The following ADARB2 variants were observed in gnomAD, a reference collection of about 807,000 sequenced individuals.
ADARB2 encodes the protein inactive double-stranded RNA-specific editase B2.
ADARB2 carries 25 observed loss-of-function variants against 62.2 expected under a neutral mutation model. The observed-to-expected ratio is 0.40, with a 90% confidence interval of 0.29 to 0.56. ADARB2 has a LOEUF of 0.56. ADARB2 is among the 20% of genes least tolerant of loss of function. The pLI is 0.43. For missense variants in ADARB2, 1,071 were observed against 1,077.4 expected (o/e 0.99, Z 0.08); for synonymous variants, 572 against 500.8 (o/e 1.14, Z -1.90).
intron 1 of ADARB2, among the ~76,000 whole-genome samples, chr10:1,493,756 T>C (rs1321014943): frequency 1.2e-5 from 1 of 81,104 alleles, no homozygotes; most frequent in South Asian, 4.9e-4. Flanking sequence ...TTTTTTTTTT[T>C]TTTTTTTTTT....
At chr10:1,200,928 T>A (rs1836976871) in intron 7 of ADARB2, among the ~76,000 whole-genome samples, 1 of 152,226 alleles carries the variant, frequency 6.6e-6, no homozygotes, top group South Asian at 2.1e-4. Context: ...TCTCCACTGT[T>A]AGAGCAATTA....
At chr10:1,402,022 C>T (rs1194436305) in intron 1 of ADARB2, among the ~76,000 whole-genome samples, 11 of 152,292 alleles carry the variant, frequency 7.2e-5, no homozygotes, top group Admixed American at 5.2e-4. Flanking sequence ...TCTCTCATGA[C>T]CTTGGAACTC....
chr10:1,685,760 C>T (rs1041654695), intron 1 of ADARB2, among the ~76,000 whole-genome samples: 15 of 152,188 alleles, frequency 9.9e-5, no homozygotes, highest in Non-Finnish European at 2.1e-4. Flanking sequence ...AGGGTCCTGC[C>T]CAGACCTCTC....
At chr10:1,543,007 G>T (rs1405398844) in intron 1 of ADARB2, among the ~76,000 whole-genome samples, 2 of 152,260 alleles carry the variant, frequency 1.3e-5, no homozygotes, top group Admixed American at 6.5e-5. Flanking sequence ...TCTTGTCCAG[G>T]TGTTTTTCCA....
chr10:1,275,410 C>T (rs1006568507), intron 3 of ADARB2, among the ~76,000 whole-genome samples: 3 of 152,208 alleles, frequency 2.0e-5, no homozygotes, highest in Non-Finnish European at 2.9e-5. Context: ...TCCTGCAGGG[C>T]GGCTCCAGGC....
At chr10:1,567,090 G>T (rs1017295781) in intron 1 of ADARB2, among the ~76,000 whole-genome samples, 2 of 152,032 alleles carry the variant, frequency 1.3e-5, no homozygotes, top group Non-Finnish European at 2.9e-5. Context: ...AGCGAAGGAC[G>T]AACAGTAGGA....
intron 1 of ADARB2, among the ~76,000 whole-genome samples, chr10:1,390,560 T>C (rs751383333): frequency 6.6e-5 from 10 of 152,120 alleles, no homozygotes; most frequent in Non-Finnish European, 1.0e-4. Flanking sequence ...AGAAGAAAAT[T>C]GAGGATGATA....
At chr10:1,697,421 G>T (rs1197597279) in intron 1 of ADARB2, among the ~76,000 whole-genome samples, 1 of 152,198 alleles carries the variant, frequency 6.6e-6, no homozygotes, top group East Asian at 1.9e-4. Flanking sequence ...CAGACACAGA[G>T]AACACGTGGC....
At chr10:1,253,660 C>A (rs1831055029) in intron 4 of ADARB2, among the ~76,000 whole-genome samples, 1 of 152,196 alleles carries the variant, frequency 6.6e-6, no homozygotes, top group Non-Finnish European at 1.5e-5. Context: ...AGAGCAGAAA[C>A]TGTCTGTGGT....
rs1831733485 is a variant in ADARB2 at position 1,315,731 on chromosome 10, T to C, written c.1078-44662A>G. 2.0e-5 allele frequency among the ~76,000 whole-genome samples: 3 copies of C among 152,338 alleles called. No homozygotes were observed. The South Asian group carries it at 6.2e-4, about 32-fold the overall frequency. On this transcript the variant is annotated intron_variant, in intron 3 of 9. Transcript: ENST00000381312. ...TCTCAAATATTTACCACGTTAAATA[T>C]CAGCCTCCAGAATATTGCCTTCATT...
intron 9 of ADARB2, among the ~76,000 whole-genome samples, chr10:1,183,589 C>T (rs1426839713): frequency 4.6e-5 from 7 of 152,302 alleles, no homozygotes; most frequent in South Asian, 2.1e-4. Context: ...GATGAATGAG[C>T]GGATAAACTT....
intron 7 of ADARB2, among the ~76,000 whole-genome samples, chr10:1,202,333 C>T (rs1003468827): frequency 5.9e-5 from 9 of 151,646 alleles, no homozygotes; most frequent in East Asian, 1.9e-4. Context: ...CATAGCTCAC[C>T]GCAGCCTAAT....
intron 1 of ADARB2, among the ~76,000 whole-genome samples, chr10:1,456,234 C>A (rs1208373060): frequency 1.3e-5 from 2 of 152,152 alleles, no homozygotes; most frequent in Non-Finnish European, 2.9e-5. Flanking sequence ...ACTGTAATTC[C>A]TTGTCCCTGT....
rs999165040 is a variant in ADARB2, at chr10:1,180,941, C to T, written c.*2252G>A. Reference sequence around the variant, plus strand: ...GTTTCTGGAAGGTCAATGCCTGAGACAAAACGAATCCCAACCCCCCAGCTG... The same window carrying T: ...GTTTCTGGAAGGTCAATGCCTGAGATAAAACGAATCCCAACCCCCCAGCTG... On this transcript the variant is annotated 3_prime_UTR_variant, in exon 10 of 10. Coordinates refer to ENST00000381312, the MANE Select transcript of ADARB2 (RefSeq NM_018702.4). The T allele has an allele frequency of 1.3e-5, 2 of 152,240 alleles. No homozygotes were observed. The highest frequency in any genetic ancestry group is 3.8e-4 in the East Asian group (2 of 5,204). 9.4% of individuals were successfully genotyped at this position (152,240 alleles called of 1,614,324 possible).
In ADARB2 at chr10:1,477,659, A is replaced by C. The variant is rs1046324054; in HGVS notation, c.101-98499T>G. ...CATAGATAAAAATATGGGGACCAAC[A>C]TGAAGCGTCAGCCTGTGCGCCTCTT... On this transcript the variant is annotated intron_variant, in intron 1 of 9. Transcript: ENST00000381312. This position sits in a 1 kb window ranked among gnomAD's most constrained non-coding sequence, Gnocchi z 4.5. Among the ~76,000 whole-genome samples, 1 of 152,216 alleles carries C rather than the reference A, an allele frequency of 6.6e-6. No individual in the cohort carries two copies. Among genetic ancestry groups the C allele is most frequent in the Non-Finnish European group, 1.5e-5 (1 of 68,034 alleles).
At chr10:1,317,579 A>G (rs2242423) in intron 3 of ADARB2, among the ~76,000 whole-genome samples, 76,381 of 152,056 alleles carry the variant, frequency 0.5, 21,015 homozygotes, top group African/African-American at 0.75. Flanking sequence ...CTTAGGCGCT[A>G]TCTTCTGGTT....
chr10:1,293,424 G>A (rs74227798), intron 3 of ADARB2, among the ~76,000 whole-genome samples: 1 of 7,498 alleles, frequency 1.3e-4, no homozygotes, highest in Non-Finnish European at 4.7e-4. Context: ...TTTTAGCCCC[G>A]TCCTCCTCTG....
intron 3 of ADARB2, among the ~76,000 whole-genome samples, chr10:1,301,532 A>AACTTT (rs1179627364): frequency 6.7e-6 from 1 of 149,414 alleles, no homozygotes; most frequent in East Asian, 2.1e-4. Context: ...TTAAACAGAA[A>AACTTT]ACTTTCTTTT....
rs1165128222 is a variant in ADARB2, at chr10:1,180,152, G to A, written c.*3041C>T. 1 of 152,228 alleles carries A rather than the reference G, an allele frequency of 6.6e-6. No homozygotes were observed. Among genetic ancestry groups the A allele is most frequent in the African/African-American group, 2.4e-5 (1 of 41,432 alleles). The allele number at this position is 152,228 out of a possible 1,614,324, so 9.4% of individuals were successfully genotyped here. On this transcript the variant is annotated 3_prime_UTR_variant, in exon 10 of 10. Transcript: ENST00000381312. The stretch of plus-strand genomic sequence containing the variant: ...CAACACGAGCCCTTCCATCTCTGCA[G>A]AGGTGGCACAGCCCCTCCAGGCACA...
Sources: gnomAD v4.1 joint callset for allele counts (sites outside exome capture counted in the v4.1 genomes callset) on GRCh38, gnomAD v4.1.1 for gene constraint, Gnocchi (gnomAD v3.1) non-coding constraint, MANE v1.5 for transcripts, NCBI Gene and HGNC (gene_info 2026-07-23, HGNC 2026-07-21) for gene names.